ULK2: variants seen among roughly 807,000 people sequenced by gnomAD.
The protein encoded by ULK2 is serine/threonine-protein kinase ULK2.
A neutral mutation model predicts 127.5 loss-of-function variants in ULK2; 76 were observed. The observed-to-expected ratio is 0.60, with a 90% confidence interval of 0.50 to 0.72. The LOEUF is 0.72. Ranked by LOEUF, ULK2 falls within the 30% of genes least tolerant of loss-of-function variation. ULK2 has a pLI of 0.00. For missense variants in ULK2, 1,144 were observed against 1,295.9 expected, an observed-to-expected ratio of 0.88 and a Z score of 1.80; for synonymous variants, 452 against 461.9, an observed-to-expected ratio of 0.98 and a Z score of 0.28.
intron 17 of ULK2, 22 bp downstream of exon 17, chr17:19,799,473 T>C (rs1419437236): frequency 6.6e-7 from 1 of 1,511,666 alleles, no homozygotes; most frequent in South Asian, 1.3e-5. Flanking sequence ...AAATTATTAA[T>C]AAACCAAATA....
At chr17:19,842,621 C>A (rs552900326) in intron 8 of ULK2, among the ~76,000 whole-genome samples, 2 of 152,078 alleles carry the variant, frequency 1.3e-5, no homozygotes, top group African/African-American at 4.8e-5. Context: ...GAGAAATCAT[C>A]GTGATTATAC....
intron 8 of ULK2, among the ~76,000 whole-genome samples, chr17:19,842,201 T>C (rs1047244912): frequency 6.9e-6 from 1 of 145,766 alleles, no homozygotes; most frequent in Non-Finnish European, 1.5e-5. Context: ...TTTTTTTTTT[T>C]TTTTTTTTTT....
intron 13 of ULK2, among the ~76,000 whole-genome samples, chr17:19,812,117 C>T (rs2087654941): frequency 2.0e-5 from 3 of 152,144 alleles, no homozygotes; most frequent in South Asian, 2.1e-4. Context: ...ATTTACATCA[C>T]AGAACTCCAA....
chr17:19,818,985 G>A (rs931536780), intron 12 of ULK2, among the ~76,000 whole-genome samples: 4 of 151,760 alleles, frequency 2.6e-5, no homozygotes, highest in African/African-American at 9.7e-5. Context: ...AGTTTTAGTA[G>A]AGACGGGGTT....
At chr17:19,795,887 C>T (rs1307293145) in intron 19 of ULK2, among the ~76,000 whole-genome samples, 162 bp from the exon 20 acceptor site, 1 of 152,072 alleles carries the variant, frequency 6.6e-6, no homozygotes, top group Non-Finnish European at 1.5e-5. Context: ...ATAGAATATT[C>T]AAAAAGTTCA....
chr17:19,797,362 G>A, intron 18 of ULK2, 34 bp downstream of exon 18: 1 of 1,585,592 alleles, frequency 6.3e-7, no homozygotes, highest in South Asian at 1.2e-5. Flanking sequence ...TACTATACCA[G>A]TTCCTGACCT....
At chr17:19,848,427 C>T (rs1428030129) in intron 5 of ULK2, 1 of 152,102 alleles carries the variant, frequency 6.6e-6, no homozygotes, top group Non-Finnish European at 1.5e-5. Flanking sequence ...TTTTAATGAC[C>T]TGTCAAGTTT....
At chr17:19,834,902 C>CT (rs1377488683) in intron 10 of ULK2, among the ~76,000 whole-genome samples, 2 of 148,876 alleles carry the variant, frequency 1.3e-5, no homozygotes, top group Non-Finnish European at 3.0e-5. Context: ...GAGTGAGACT[C>CT]TGTCTCAGAA....
At chr17:19,829,135 T>C (rs2041368106) in intron 10 of ULK2, among the ~76,000 whole-genome samples, 1 of 151,834 alleles carries the variant, frequency 6.6e-6, no homozygotes, top group Non-Finnish European at 1.5e-5. Context: ...GAAAGCAAAA[T>C]AATGGAAAAA....
chr17:19,854,209 C>G (rs556752806), intron 3 of ULK2, among the ~76,000 whole-genome samples: 1 of 150,376 alleles, frequency 6.6e-6, no homozygotes, highest in East Asian at 2.0e-4. Flanking sequence ...ACCCAGAAGA[C>G]GAAGGTTGCA....
chr17:19,822,519 G>A (rs532719129), intron 12 of ULK2, among the ~76,000 whole-genome samples: 5 of 150,620 alleles, frequency 3.3e-5, no homozygotes, highest in Non-Finnish European at 5.9e-5. Flanking sequence ...ACGCCGCCAC[G>A]CCCAGCCAAT....
rs1241358877 is a variant in ULK2, at chr17:19,867,339, G to A, written c.79C>T (p.Arg27Trp). Reference sequence around the variant, plus strand: ...CGGCCGGCGCTCACCTGGCGGTGCCGCCCCCGGAAGACCACGGCGAAGGCC... The same window carrying A: ...CGGCCGGCGCTCACCTGGCGGTGCCACCCCCGGAAGACCACGGCGAAGGCC... ...HGAFAVVFRG[R>W]HRQKTDWEVA... Residue 27 changes from arginine to tryptophan, a missense_variant, in exon 1 of 27, where the codon CGG becomes TGG. Around this residue, in one of 2 missense-constraint regions of ULK2, gnomAD observed 231 missense variants for 325.4 expected, o/e 0.71. Transcript: ENST00000395544. 2 of 1,598,026 alleles carry A rather than the reference G, an allele frequency of 1.3e-6. No individual in the cohort carries two copies. The highest frequency in any genetic ancestry group is 8.5e-7 in the Non-Finnish European group (1 of 1,173,816).
At chr17:19,825,692 TA>T (rs1208499289) in intron 11 of ULK2, among the ~76,000 whole-genome samples, 30 of 141,874 alleles carry the variant, frequency 2.1e-4, no homozygotes, top group Middle Eastern at 8.0e-3. Flanking sequence ...AGACTCCGTT[TA>T]AAAAAAAAAG....
intron 12 of ULK2, among the ~76,000 whole-genome samples, chr17:19,823,148 T>TA (rs2041203302): frequency 6.7e-6 from 1 of 149,738 alleles, no homozygotes; most frequent in African/African-American, 2.5e-5. Flanking sequence ...TTTTTTTTAG[T>TA]AGAGATGGGT....
At chr17:19,781,172 C>G in intron 23 of ULK2, 68 bp from the exon 24 acceptor site, 3 of 1,304,906 alleles carry the variant, frequency 2.3e-6, no homozygotes, top group Non-Finnish European at 3.2e-6. Flanking sequence ...CTCTACACAA[C>G]AGGTCACCAT....
intron 12 of ULK2, among the ~76,000 whole-genome samples, chr17:19,821,758 T>G (rs1032764910): frequency 2.2e-4 from 33 of 152,348 alleles, no homozygotes; most frequent in African/African-American, 7.7e-4. Flanking sequence ...TTGGTTGGTT[T>G]TTGAGACAGG....
intron 24 of ULK2, 32 bp downstream of exon 24, chr17:19,780,953 AC>A: frequency 1.3e-6 from 2 of 1,590,868 alleles, no homozygotes; most frequent in Middle Eastern, 1.8e-4. Context: ...TTAAGGACTG[AC>A]CCCTGGAGTT....
intron 10 of ULK2, among the ~76,000 whole-genome samples, chr17:19,835,738 G>A (rs145878242): frequency 6.7e-5 from 10 of 149,294 alleles, no homozygotes; most frequent in East Asian, 2.1e-4. Flanking sequence ...GATGCATACC[G>A]TAATCCCTAG....
chr17:19,849,807 G>GA (rs747850769), intron 3 of ULK2, 33 bp from the exon 4 acceptor site: 3 of 1,355,550 alleles, frequency 2.2e-6, no homozygotes, highest in Non-Finnish European at 3.0e-6. Context: ...ATCATTTAGA[G>GA]AAAAATTAAA....
Sources: gnomAD v4.1 joint callset for allele counts (sites outside exome capture counted in the v4.1 genomes callset) on GRCh38, gnomAD v4.1.1 for gene constraint, gnomAD v4.1.1 regional missense constraint, MANE v1.5 for transcripts, NCBI Gene and HGNC (gene_info 2026-07-23, HGNC 2026-07-21) for gene names.